Variants in ABCA13 observed in about 807,000 individuals in gnomAD.
ABCA13 encodes ATP binding cassette subfamily A member 13, also known as ATP-binding cassette sub-family A member 13.
Under a neutral mutation model 478.7 loss-of-function variants are expected in ABCA13, and 476 were observed. That is an observed-to-expected ratio of 0.99 (90% CI 0.92 to 1.07). The LOEUF (loss-of-function observed/expected upper bound fraction) is 1.07, where lower values mean the gene tolerates loss of function less well. Among genes scored for constraint, ABCA13 ranks in the 50% least tolerant of loss-of-function variants. The pLI, the probability that ABCA13 is intolerant of heterozygous loss-of-function variation, is 0.00. For missense variants in ABCA13, 6,060 were observed against 5,910.6 expected, an observed-to-expected ratio of 1.03 and a Z score of -0.83; for synonymous variants, 2,252 against 2,158.9, an observed-to-expected ratio of 1.04 and a Z score of -1.20.
At chr7:48,312,941 G>C in intron 24 of ABCA13, 126 bp from the exon 25 acceptor site, 3 of 980,950 alleles carry the variant, frequency 3.1e-6, no homozygotes, top group Non-Finnish European at 4.2e-6. Context: ...TACCGCAAAG[G>C]CGTCTCTGAA....
intron 19 of ABCA13, among the ~76,000 whole-genome samples, chr7:48,283,079 G>A (rs537403807): frequency 3.3e-4 from 50 of 152,246 alleles, no homozygotes; most frequent in Non-Finnish European, 5.9e-4. Context: ...TATTTTGTAC[G>A]ACTGAGCAAA....
intron 20 of ABCA13, among the ~76,000 whole-genome samples, chr7:48,294,601 C>T (rs1341112863): frequency 5.9e-5 from 9 of 151,588 alleles, no homozygotes; most frequent in Non-Finnish European, 1.0e-4. Context: ...CGCCCGCCAC[C>T]GCGCCCGGCT....
intron 55 of ABCA13, among the ~76,000 whole-genome samples, chr7:48,536,782 AT>A (rs1563407864): frequency 6.6e-6 from 1 of 152,010 alleles, no homozygotes; most frequent in Non-Finnish European, 1.5e-5. Flanking sequence ...AATAAATTTT[AT>A]TTTTGTTAGA....
At position 48,587,007 on chromosome 7, in the gene ABCA13, G is replaced by T. The variant is rs1789251563; in HGVS notation, c.14506-147G>T. 29 of 1,050,208 alleles carry T rather than the reference G, an allele frequency of 2.8e-5. No homozygotes were observed. In the South Asian group the frequency reaches 4.6e-4, roughly 17 times the overall value. The allele number at this position is 1,050,208 out of a possible 1,614,324, so 65.1% of individuals were successfully genotyped here. A position where few individuals can be genotyped will look rare whatever the true frequency, so the allele number is the denominator to read the frequency against. On this transcript the variant is annotated intron_variant, in intron 56 of 61. Transcript: ENST00000435803. ...CTCAATTACTGCCTGTATGGTAAAGGGGGATGTTTCAGGAGATGTACTTGA... is the reference window on the plus strand; with the variant it reads ...CTCAATTACTGCCTGTATGGTAAAGTGGGATGTTTCAGGAGATGTACTTGA...
chr7:48,456,797 T>C (rs988322100), intron 43 of ABCA13, among the ~76,000 whole-genome samples: 12 of 147,010 alleles, frequency 8.2e-5, no homozygotes, highest in Non-Finnish European at 1.0e-4. Context: ...CATATAAAGG[T>C]TTATTTATTT....
chr7:48,495,848 G>A (rs917340475), intron 48 of ABCA13, among the ~76,000 whole-genome samples: 6 of 152,078 alleles, frequency 3.9e-5, no homozygotes, highest in African/African-American at 1.4e-4. Context: ...TTGCATATAT[G>A]TAGTGTTCCT....
chr7:48,229,106 A>G (rs368049537), intron 6 of ABCA13, among the ~76,000 whole-genome samples: 2 of 152,202 alleles, frequency 1.3e-5, no homozygotes, highest in East Asian at 3.9e-4. Context: ...CTACAAGGAA[A>G]TAATCTGTTT....
At position 48,349,594 on chromosome 7, in the gene ABCA13, C is replaced by G. The variant is rs117550870; in HGVS notation, c.10205-1049C>G. On this transcript the variant is annotated intron_variant, in intron 29 of 61. Coordinates refer to ENST00000435803, the MANE Select transcript of ABCA13 (RefSeq NM_152701.5). ...AAACATGGGCTGGGTGCCAAGCAAG[C>G]AAAACCCAGACTTAATCCAGAAACC... is the stretch of plus-strand genomic sequence containing the variant. Among the ~76,000 whole-genome samples, 203 of 152,268 alleles carry G rather than the reference C, an allele frequency of 1.3e-3. 4 individuals carry two copies. The East Asian group carries it at 0.038, about 28-fold the overall frequency.
At chr7:48,200,802 A>C (rs1444482517) in intron 3 of ABCA13, among the ~76,000 whole-genome samples, 1 of 152,204 alleles carries the variant, frequency 6.6e-6, no homozygotes, top group Admixed American at 6.5e-5. Flanking sequence ...ATTCAATTGA[A>C]GTTCAAGCCC....
At chr7:48,207,961 T>C (rs1016405057) in intron 3 of ABCA13, among the ~76,000 whole-genome samples, 4 of 152,130 alleles carry the variant, frequency 2.6e-5, no homozygotes, top group Non-Finnish European at 5.9e-5. Flanking sequence ...CTTTAATCAA[T>C]TTTGATTTTT....
intron 27 of ABCA13, among the ~76,000 whole-genome samples, chr7:48,334,592 C>T (rs1805943159): frequency 6.6e-6 from 1 of 152,212 alleles, no homozygotes. Context: ...GCCTTGGCCT[C>T]CCAGAGTGCT....
chr7:48,408,490 C>T lies in ABCA13; in HGVS notation c.12071-2030C>T, dbSNP rs75081477. On this transcript the variant is annotated intron_variant, in intron 39 of 61. Transcript: ENST00000435803. The stretch of plus-strand genomic sequence containing the variant: ...CCTTGGGTGTGGGGACAGGGACATA[C>T]ATGTGCAAGAACTGGTCATTGTGGA... Among the ~76,000 whole-genome samples the T allele has an allele frequency of 9.6e-3, 1,455 of 152,258 alleles. 20 individuals carry two copies. Among genetic ancestry groups the T allele is most frequent in the African/African-American group, 0.033 (1,388 of 41,548 alleles).
chr7:48,518,254 A>G (rs1474244074), intron 52 of ABCA13, among the ~76,000 whole-genome samples: 1 of 152,212 alleles, frequency 6.6e-6, no homozygotes, highest in African/African-American at 2.4e-5. Context: ...CTAGCATGAC[A>G]TGAACCATCA....
chr7:48,385,025 T>C (rs1481303816), intron 35 of ABCA13, among the ~76,000 whole-genome samples: 2 of 152,156 alleles, frequency 1.3e-5, no homozygotes, highest in South Asian at 2.1e-4. Context: ...CATTTTGAAG[T>C]ACAGGGGGTT....
At position 48,323,183 on chromosome 7, in the gene ABCA13, A is replaced by G. The variant is rs184680916; in HGVS notation, c.9999+5887A>G. ...ATCACTACTTGAAATTATCTCATTG[A>G]CTTACAGGCGTACTTGTTTATTATT... On this transcript the variant is annotated intron_variant, in intron 27 of 61. Coordinates refer to ENST00000435803, the MANE Select transcript of ABCA13 (RefSeq NM_152701.5). Among the ~76,000 whole-genome samples, 39 of 152,242 alleles carry G rather than the reference A, an allele frequency of 2.6e-4. 1 individual carries two copies. Among genetic ancestry groups the G allele is most frequent in the Admixed American group, 2.2e-3 (34 of 15,292 alleles).
chr7:48,452,858 C>A (rs1825208121), intron 42 of ABCA13, among the ~76,000 whole-genome samples: 1 of 152,108 alleles, frequency 6.6e-6, no homozygotes, highest in Admixed American at 6.5e-5. Flanking sequence ...GGGATGGGCA[C>A]CCAAAAACAT....
rs1383832651 is a variant in ABCA13, at chr7:48,614,861, A to T, written c.14745-424A>T. The stretch of plus-strand genomic sequence containing the variant: ...GAGAACACATGGACACAGGAAAGGG[A>T]ACATCACATTCTGGGGACTGTTGTG... On this transcript the variant is annotated intron_variant, in intron 58 of 61. Coordinates refer to ENST00000435803, the MANE Select transcript of ABCA13 (RefSeq NM_152701.5). Among the ~76,000 whole-genome samples the T allele has an allele frequency of 3.7e-4, 48 of 129,262 alleles. 2 individuals carry two copies. Among genetic ancestry groups the T allele is most frequent in the African/African-American group, 1.2e-3 (43 of 34,838 alleles). The allele number at this position is 129,262 out of a possible 152,430, so 84.8% of individuals were successfully genotyped here.
At chr7:48,393,822 A>G (rs1299156465) in intron 38 of ABCA13, among the ~76,000 whole-genome samples, 1 of 152,154 alleles carries the variant, frequency 6.6e-6, no homozygotes, top group Non-Finnish European at 1.5e-5. Flanking sequence ...CCTTCCTTTT[A>G]CTTGGCCTCT....
At chr7:48,535,295 C>T (rs1833493584) in intron 55 of ABCA13, among the ~76,000 whole-genome samples, 2 of 152,102 alleles carry the variant, frequency 1.3e-5, no homozygotes, top group East Asian at 3.9e-4. Flanking sequence ...GTTTAGCCAC[C>T]CAGCAGAGCT....
Sources: gnomAD v4.1 joint callset for allele counts (sites outside exome capture counted in the v4.1 genomes callset) on GRCh38, gnomAD v4.1.1 for gene constraint, MANE v1.5 for transcripts, NCBI Gene and HGNC (gene_info 2026-07-23, HGNC 2026-07-21) for gene names.